The following CEP112 variants were observed in gnomAD, a reference collection of about 807,000 sequenced individuals.
CEP112 encodes centrosomal protein 112.
In CEP112, 127 loss-of-function variants were observed where a neutral mutation model predicts 153.0. The ratio of observed to expected loss-of-function variants is 0.83; its 90% CI spans 0.72 to 0.96. The LOEUF (loss-of-function observed/expected upper bound fraction) is 0.96. CEP112 is among the 40% of genes least tolerant of loss of function. The pLI is 0.00. For synonymous variants in CEP112, 358 were observed against 374.4 expected, an observed-to-expected ratio of 0.96 and a Z score of 0.51; for missense variants, 1,089 against 1,101.2, an observed-to-expected ratio of 0.99 and a Z score of 0.16.
chr17:65,725,051 T>C (rs1007249169), intron 23 of CEP112, among the ~76,000 whole-genome samples: 2 of 152,234 alleles, frequency 1.3e-5, no homozygotes, highest in African/African-American at 4.8e-5. Context: ...AAGTCTCTGA[T>C]TGAACAGTTT....
intron 24 of CEP112, among the ~76,000 whole-genome samples, chr17:65,644,980 C>T (rs2045354188): frequency 6.6e-6 from 1 of 152,106 alleles, no homozygotes; most frequent in African/African-American, 2.4e-5. Context: ...TTAGTAACTT[C>T]ACTGGGAAAT....
chr17:66,165,178 T>C (rs2071898705), intron 4 of CEP112, among the ~76,000 whole-genome samples: 1 of 149,804 alleles, frequency 6.7e-6, no homozygotes, highest in South Asian at 2.1e-4. Flanking sequence ...CTCCATCTGG[T>C]CAGTCAGGTT....
At chr17:66,160,612 G>A (rs1274427079) in intron 4 of CEP112, among the ~76,000 whole-genome samples, 1 of 151,934 alleles carries the variant, frequency 6.6e-6, no homozygotes, top group African/African-American at 2.4e-5. Flanking sequence ...CTATTAAATG[G>A]TGTTGGGAAA....
At chr17:66,121,668 G>A (rs1008771659) in intron 6 of CEP112, among the ~76,000 whole-genome samples, 25 of 151,528 alleles carry the variant, frequency 1.6e-4, no homozygotes, top group Non-Finnish European at 2.4e-4. Flanking sequence ...TCGGTTATAC[G>A]GTTTAACACT....
At chr17:65,812,890 CT>C (rs1426003602) in intron 21 of CEP112, among the ~76,000 whole-genome samples, 1 of 152,020 alleles carries the variant, frequency 6.6e-6, no homozygotes, top group African/African-American at 2.4e-5. Flanking sequence ...AGAATAAAAG[CT>C]TTTTTTGAAC....
rs182515558 is a variant in CEP112, at chr17:65,828,956, T to C, written c.2394+22848A>G. On this transcript the variant is annotated intron_variant, in intron 21 of 26. Transcript: ENST00000535342. ...CTAGGTCAAAAGATAGGGATATTTT[T>C]AAGGTTCACAGTATAGATAACCACA... Among the ~76,000 whole-genome samples, 475 of 152,240 alleles carry C rather than the reference T, an allele frequency of 3.1e-3. 2 individuals are homozygous for C. The highest frequency in any genetic ancestry group is 3.4e-3 in the Non-Finnish European group (229 of 68,014).
chr17:65,637,383 A>G (rs1166211325), intron 25 of CEP112, among the ~76,000 whole-genome samples, 195 bp from the exon 26 acceptor site: 1 of 152,242 alleles, frequency 6.6e-6, no homozygotes, highest in Non-Finnish European at 1.5e-5. Flanking sequence ...TTACGACAGA[A>G]TAAAGTTCAA....
At chr17:66,189,828 C>A (rs1338668614) in intron 1 of CEP112, among the ~76,000 whole-genome samples, 2 of 152,082 alleles carry the variant, frequency 1.3e-5, no homozygotes, top group African/African-American at 4.8e-5. Flanking sequence ...CCCAGGAGTT[C>A]AAGACCAGCC....
At chr17:65,659,950 C>G (rs1304241646) in intron 24 of CEP112, among the ~76,000 whole-genome samples, 1 of 151,990 alleles carries the variant, frequency 6.6e-6, no homozygotes, top group Non-Finnish European at 1.5e-5. Flanking sequence ...AAACTGCTAG[C>G]TGAGGAAAGG....
intron 16 of CEP112, among the ~76,000 whole-genome samples, chr17:66,017,793 G>A (rs977246573): frequency 6.6e-6 from 1 of 152,134 alleles, no homozygotes; most frequent in Non-Finnish European, 1.5e-5. Context: ...GAGGTCAGGA[G>A]ATTGATACCA....
At chr17:65,810,875 A>T (rs553057880) in intron 21 of CEP112, among the ~76,000 whole-genome samples, 73 of 152,298 alleles carry the variant, frequency 4.8e-4, no homozygotes, top group Admixed American at 9.2e-4. Flanking sequence ...TCTACCCTAA[A>T]GGAGGGAAGG....
intron 24 of CEP112, among the ~76,000 whole-genome samples, chr17:65,664,439 G>T (rs1022541129): frequency 6.6e-6 from 1 of 152,196 alleles, no homozygotes; most frequent in Admixed American, 6.5e-5. Context: ...TGAGGCAGTT[G>T]TTTTTCTGAG....
Position 65,961,540 on chromosome 17 carries a change from C to A in CEP112, c.1795G>T (p.Ala599Ser), listed in dbSNP as rs745349231. ...TEVQRLQAQQ[A>S]DAALEEFKRQ... ...TTAAACTCTTCCAGAGCGGCATCTG[C>A]CTGCTGGGCCTGCAACCTCTGAACT... is the stretch of plus-strand genomic sequence containing the variant. The change falls in exon 18 of 27, where the codon GCA becomes TCA. Residue 599 changes from alanine to serine, a missense_variant. Transcript: ENST00000535342. The A allele has an allele frequency of 2.5e-6, 4 of 1,613,638 alleles. No individual in the cohort carries two copies. In the African/African-American group the frequency reaches 5.3e-5, roughly 22 times the overall value.
chr17:65,868,392 C>T (rs139126356), intron 20 of CEP112, among the ~76,000 whole-genome samples: 354 of 151,708 alleles, frequency 2.3e-3, no homozygotes, highest in Admixed American at 4.1e-3. Context: ...TCCAGGTACT[C>T]GAGAGGCTGA....
chr17:66,162,411 T>C (rs187137955), intron 4 of CEP112, among the ~76,000 whole-genome samples: 72 of 152,282 alleles, frequency 4.7e-4, no homozygotes, highest in African/African-American at 1.6e-3. Flanking sequence ...AGAAATTTTA[T>C]CAGCAGTGCC....
At chr17:65,663,916 T>G (rs12944600) in intron 24 of CEP112, among the ~76,000 whole-genome samples, 50,994 of 151,880 alleles carry the variant, frequency 0.34, 8,741 homozygotes, top group Middle Eastern at 0.5. Context: ...CGTGGTGGCG[T>G]GCGCCTGTAG....
chr17:65,702,265 T>G (rs1399336418), intron 23 of CEP112, among the ~76,000 whole-genome samples: 1 of 152,214 alleles, frequency 6.6e-6, no homozygotes, highest in East Asian at 1.9e-4. Context: ...TCCTGCATCC[T>G]GGCATGTAGG....
chr17:65,963,675 GT>G (rs1465427983), intron 17 of CEP112, among the ~76,000 whole-genome samples: 10 of 68,402 alleles, frequency 1.5e-4, no homozygotes, highest in African/African-American at 6.7e-4. Context: ...ATAGATAGGG[GT>G]GTGTGTGTGT....
In CEP112 at chr17:65,865,982, G is replaced by A. The variant is rs947495278; in HGVS notation, c.2164-13948C>T. On this transcript the variant is annotated intron_variant, in intron 20 of 26. Transcript: ENST00000535342. ...AGGCAGGAGCCTCACCCTCCTGGGT[G>A]CAGCTGTGGTCACTCAGGTCGGGGC... Among the ~76,000 whole-genome samples, 95 of 152,260 alleles carry A rather than the reference G, an allele frequency of 6.2e-4. 1 individual carries two copies. The highest frequency in any genetic ancestry group is 2.0e-3 in the African/African-American group (84 of 41,574).
Sources: allele counts gnomAD v4.1 joint callset (sites outside exome capture counted in the v4.1 genomes callset), GRCh38; gene constraint gnomAD v4.1.1; transcripts MANE v1.5; gene names NCBI Gene and HGNC (gene_info 2026-07-23, HGNC 2026-07-21).